The following KLF8 variants were observed in gnomAD, a reference collection of about 807,000 sequenced individuals.
The protein encoded by KLF8 is Krueppel-like factor 8.
KLF8 carries 10 observed loss-of-function variants against 18.2 expected under a neutral mutation model. The ratio of observed to expected loss-of-function variants is 0.55; its 90% CI spans 0.34 to 0.93. The LOEUF is 0.93. Among genes scored for constraint, KLF8 ranks in the 40% least tolerant of loss-of-function variants. KLF8 has a pLI of 0.02. For missense variants in KLF8, 264 were observed against 277.9 expected, an observed-to-expected ratio of 0.95 and a Z score of 0.36; for synonymous variants, 109 against 97.3, an observed-to-expected ratio of 1.12 and a Z score of -0.71.
the KLF8 span, among the ~76,000 whole-genome samples, chrX:56,042,881 T>A: frequency 1.8e-5 from 2 of 111,820 alleles, no homozygotes; most frequent in Non-Finnish European, 3.8e-5. Context: ...AGCTGGTTAC[T>A]TTGCAGACTT....
chrX:56,248,392 T>G (rs780447903), intron 1 of KLF8, among the ~76,000 whole-genome samples: 1 of 111,707 alleles, frequency 9.0e-6, no homozygotes, highest in South Asian at 3.8e-4. Flanking sequence ...ACATGGAATG[T>G]TCACATTAAC....
At chrX:55,970,679 G>A in the KLF8 span, among the ~76,000 whole-genome samples, 16 of 111,108 alleles carry the variant, frequency 1.4e-4, no homozygotes, top group East Asian at 3.9e-3. Flanking sequence ...AAGACACCAC[G>A]AAAAAACTAT....
the KLF8 span, among the ~76,000 whole-genome samples, chrX:56,222,297 G>A: frequency 1.8e-5 from 2 of 110,854 alleles, no homozygotes; most frequent in Non-Finnish European, 3.8e-5. Flanking sequence ...TCGATAGAGA[G>A]TGCCGATTGG....
At position 56,265,396 on chromosome X, in the gene KLF8, C is replaced by T. The variant is rs752213619; in HGVS notation, c.298C>T (p.Pro100Ser). Reference sequence around the variant, plus strand: ...TCACAAGCCCAAGGCTCCTCTCCAGCCTGCTAGCATGCTACAAGCTCCAAT... The same window carrying T: ...TCACAAGCCCAAGGCTCCTCTCCAGTCTGCTAGCATGCTACAAGCTCCAAT... Reference protein sequence around the residue: ...SFHKPKAPLQPASMLQAPIRP... With the variant: ...SFHKPKAPLQSASMLQAPIRP... Residue 100 changes from proline to serine, a missense_variant, in exon 3 of 6, where the codon CCT becomes TCT. Pro to Ser is a moderately conservative substitution (Grantham distance 74). Transcript: ENST00000468660. 8.3e-7 allele frequency: 1 copy of T among 1,211,320 alleles called. No individual in the cohort carries two copies. Among genetic ancestry groups the T allele is most frequent in the Non-Finnish European group, 1.1e-6 (1 of 895,246 alleles).
chrX:56,269,211 G>C (rs1044106768), intron 3 of KLF8, 167 bp from the exon 4 acceptor site: 6 of 1,027,805 alleles, frequency 5.8e-6, no homozygotes, highest in Non-Finnish European at 6.2e-6. Flanking sequence ...AAAATAAAAT[G>C]TTATTCTCTT....
At chrX:56,047,449 T>A in the KLF8 span, among the ~76,000 whole-genome samples, 1 of 96,864 alleles carries the variant, frequency 1.0e-5, no homozygotes, top group African/African-American at 3.8e-5. Flanking sequence ...CGGTGTGTGA[T>A]GTTCCCCTTC....
chrX:55,927,754 GT>G, the KLF8 span, among the ~76,000 whole-genome samples: 1 of 111,247 alleles, frequency 9.0e-6, no homozygotes, highest in Non-Finnish European at 1.9e-5. Flanking sequence ...AGTTATTTTT[GT>G]TTTTTATCTT....
At chrX:56,123,251 GA>G in the KLF8 span, among the ~76,000 whole-genome samples, 2 of 87,433 alleles carry the variant, frequency 2.3e-5, no homozygotes, top group Non-Finnish European at 4.5e-5. Flanking sequence ...AAAAAAGAAA[GA>G]AAAAGAAAGA....
chrX:56,198,018 G>A, the KLF8 span, among the ~76,000 whole-genome samples: 10 of 111,870 alleles, frequency 8.9e-5, no homozygotes, highest in African/African-American at 2.9e-4. Flanking sequence ...TGCAGAAAAG[G>A]CCTTTGACAA....
the KLF8 span, among the ~76,000 whole-genome samples, chrX:56,016,596 G>A: frequency 1.9e-4 from 21 of 111,536 alleles, no homozygotes; most frequent in African/African-American, 6.8e-4. Context: ...AATCTCCACT[G>A]TAACATTATA....
At chrX:56,171,831 A>C in the KLF8 span, among the ~76,000 whole-genome samples, 1 of 111,954 alleles carries the variant, frequency 8.9e-6, no homozygotes, top group Non-Finnish European at 1.9e-5. Context: ...TGCAATAAAC[A>C]TACGTGTGCA....
chrX:56,137,695 A>G, the KLF8 span, among the ~76,000 whole-genome samples: 1 of 108,138 alleles, frequency 9.2e-6, no homozygotes, highest in East Asian at 2.9e-4. Context: ...TGGCACATGT[A>G]TACATATGTA....
At chrX:56,168,786 T>C in the KLF8 span, among the ~76,000 whole-genome samples, 1 of 110,911 alleles carries the variant, frequency 9.0e-6, no homozygotes, top group Non-Finnish European at 1.9e-5. Context: ...CTGAGAATGA[T>C]GGTTTCCAGC....
chrX:56,037,665 C>CT, the KLF8 span, among the ~76,000 whole-genome samples: 7 of 109,341 alleles, frequency 6.4e-5, no homozygotes, highest in South Asian at 3.8e-4. Context: ...CTTTATTTTA[C>CT]TTTTTTTTCT....
At chrX:56,123,300 AGAAAGAAAG>A in the KLF8 span, among the ~76,000 whole-genome samples, 2 of 85,904 alleles carry the variant, frequency 2.3e-5, no homozygotes, top group African/African-American at 1.5e-4. Context: ...AGAAAGAAAG[AGAAAGAAAG>A]AAAGAAAAGA....
the KLF8 span, among the ~76,000 whole-genome samples, chrX:56,132,943 C>A: frequency 9.0e-6 from 1 of 111,316 alleles, no homozygotes; most frequent in South Asian, 3.8e-4. Flanking sequence ...TGGAAATATA[C>A]AACCCTCCTA....
chrX:56,025,095 G>A, the KLF8 span, among the ~76,000 whole-genome samples: 1 of 112,135 alleles, frequency 8.9e-6, no homozygotes, highest in Non-Finnish European at 1.9e-5. Flanking sequence ...CATGGCCATT[G>A]ATCTCCTGTT....
chrX:56,123,133 C>T, the KLF8 span, among the ~76,000 whole-genome samples: 9 of 110,222 alleles, frequency 8.2e-5, no homozygotes, highest in African/African-American at 3.0e-4. Context: ...AGAATGAGGG[C>T]TCCTCATTAT....
chrX:56,208,711 A>T, the KLF8 span, among the ~76,000 whole-genome samples: 1 of 111,492 alleles, frequency 9.0e-6, no homozygotes, highest in South Asian at 3.7e-4. Flanking sequence ...TAAATTTTTC[A>T]TTGATTCACT....
Sources: gnomAD v4.1 joint callset for allele counts (sites outside exome capture counted in the v4.1 genomes callset) on GRCh38, gnomAD v4.1.1 for gene constraint, MANE v1.5 for transcripts, NCBI Gene and HGNC (gene_info 2026-07-23, HGNC 2026-07-21) for gene names.